SULT4A1: variants seen among roughly 807,000 people sequenced by gnomAD.
SULT4A1 encodes the protein sulfotransferase family 4A member 1.
A neutral mutation model predicts 35.2 loss-of-function variants in SULT4A1; 11 were observed. The observed-to-expected ratio is 0.31, with a 90% CI of 0.20 to 0.52. SULT4A1 has a LOEUF of 0.52. Among genes scored for constraint, SULT4A1 ranks in the 20% least tolerant of loss-of-function variants. SULT4A1 has a pLI of 0.97. For synonymous variants in SULT4A1, 152 were observed against 151.8 expected, an observed-to-expected ratio of 1.00 and a Z score of -0.01; for missense variants, 271 against 383.7, an observed-to-expected ratio of 0.71 and a Z score of 2.45.
intron 4 of SULT4A1, among the ~76,000 whole-genome samples, chr22:43,835,011 G>A (rs1266123057): frequency 2.5e-5 from 2 of 81,002 alleles, no homozygotes; most frequent in East Asian, 6.0e-4. Flanking sequence ...CACCCACACC[G>A]CGGCCCTGTG....
chr22:43,850,737 G>T (rs532622953), intron 1 of SULT4A1, among the ~76,000 whole-genome samples: 1 of 152,306 alleles, frequency 6.6e-6, no homozygotes, highest in African/African-American at 2.4e-5. Flanking sequence ...TCCTGGGCAT[G>T]TGAGACTGAG....
intron 1 of SULT4A1, among the ~76,000 whole-genome samples, chr22:43,843,534 C>T (rs994216912): frequency 6.6e-6 from 1 of 152,244 alleles, no homozygotes; most frequent in African/African-American, 2.4e-5. Context: ...TCCTGGGCTC[C>T]CCACTCCGAC....
intron 4 of SULT4A1, among the ~76,000 whole-genome samples, chr22:43,837,616 G>C (rs955777715): frequency 1.3e-5 from 2 of 152,188 alleles, no homozygotes; most frequent in African/African-American, 4.8e-5. Flanking sequence ...CCACTTCTCA[G>C]CAGGCACAGT....
intron 1 of SULT4A1, among the ~76,000 whole-genome samples, chr22:43,861,968 G>A (rs1410392592): frequency 6.6e-6 from 1 of 152,334 alleles, no homozygotes; most frequent in East Asian, 1.9e-4. Flanking sequence ...CTCCACGGAA[G>A]GGGCCGCTCC....
intron 1 of SULT4A1, among the ~76,000 whole-genome samples, chr22:43,842,506 G>C (rs571638151): frequency 6.6e-6 from 1 of 152,276 alleles, no homozygotes; most frequent in Non-Finnish European, 1.5e-5. Context: ...GAATGAGTAA[G>C]TTGTGACAGT....
At chr22:43,855,913 T>C (rs1336122630) in intron 1 of SULT4A1, among the ~76,000 whole-genome samples, 1 of 152,134 alleles carries the variant, frequency 6.6e-6, no homozygotes. Flanking sequence ...GACAGGGCCC[T>C]GGAGGAAGAG....
chr22:43,834,175 G>A (rs1192591036), intron 4 of SULT4A1, among the ~76,000 whole-genome samples: 2 of 152,160 alleles, frequency 1.3e-5, no homozygotes, highest in African/African-American at 2.4e-5. Flanking sequence ...GAGGGCGACA[G>A]GCAGTAGCCT....
chr22:43,853,836 G>T (rs1434665510), intron 1 of SULT4A1, among the ~76,000 whole-genome samples: 8 of 152,258 alleles, frequency 5.3e-5, no homozygotes, highest in Non-Finnish European at 1.0e-4. Context: ...GCAGAGCGTG[G>T]CTCCACCCCA....
At chr22:43,828,851 C>G (rs964958917) in intron 6 of SULT4A1, 1 of 492,284 alleles carries the variant, frequency 2.0e-6, no homozygotes, top group Non-Finnish European at 3.5e-6. Flanking sequence ...AATGCAAACA[C>G]CAGCGGGCAG....
chr22:43,846,107 T>A (rs1005277843), intron 1 of SULT4A1, among the ~76,000 whole-genome samples: 1 of 152,108 alleles, frequency 6.6e-6, no homozygotes. Context: ...TTCACCATGT[T>A]CCACTCCCTC....
At chr22:43,836,158 CAGGTGCCACA>C (rs2063370559) in intron 4 of SULT4A1, among the ~76,000 whole-genome samples, 2 of 149,284 alleles carry the variant, frequency 1.3e-5, no homozygotes, top group Non-Finnish European at 3.0e-5. Context: ...CCTCACACTG[CAGGTGCCACA>C]GGGACCCTGT....
chr22:43,826,223 C>T, intron 6 of SULT4A1, 110 bp from the exon 7 acceptor site: 1 of 1,522,446 alleles, frequency 6.6e-7, no homozygotes. Flanking sequence ...TTCCTGGATC[C>T]CTTTGAACTT....
At chr22:43,846,187 C>T (rs80637) in intron 1 of SULT4A1, among the ~76,000 whole-genome samples, 135,098 of 152,224 alleles carry the variant, frequency 0.89, 60,159 homozygotes, top group East Asian at 0.99. Context: ...GCTGCCGACA[C>T]TGGTGTCCCT....
At chr22:43,852,343 T>C (rs2049350809) in intron 1 of SULT4A1, among the ~76,000 whole-genome samples, 1 of 121,714 alleles carries the variant, frequency 8.2e-6, no homozygotes, top group African/African-American at 2.6e-5. Flanking sequence ...AGGTTTTTTT[T>C]TGTTGTTTTT....
chr22:43,827,207 GCT>G (rs1387020245), intron 6 of SULT4A1: 2 of 985,308 alleles, frequency 2.0e-6, no homozygotes, highest in Non-Finnish European at 2.4e-6. Flanking sequence ...TGAGATCAGA[GCT>G]CTGTCTCCAG....
At chr22:43,845,273 C>T (rs962856668) in intron 1 of SULT4A1, among the ~76,000 whole-genome samples, 2 of 151,394 alleles carry the variant, frequency 1.3e-5, no homozygotes, top group Non-Finnish European at 2.9e-5. Context: ...CCAGGTCCAC[C>T]CCTCCACACA....
chr22:43,841,738 T>C, intron 2 of SULT4A1, 64 bp downstream of exon 2: 1 of 1,568,982 alleles, frequency 6.4e-7, no homozygotes, highest in Non-Finnish European at 8.7e-7. Flanking sequence ...CTGTCAATCA[T>C]CAGGGTGTAA....
Position 43,847,465 on chromosome 22 carries a change from G to A in SULT4A1, c.170-5533C>T, listed in dbSNP as rs1440591269. 2.0e-5 allele frequency among the ~76,000 whole-genome samples: 3 copies of A among 152,200 alleles called. No individual in the cohort carries two copies. The East Asian group carries it at 5.8e-4, about 29-fold the overall frequency. On this transcript the variant is annotated intron_variant, in intron 1 of 6. Coordinates refer to ENST00000330884, the MANE Select transcript of SULT4A1 (RefSeq NM_014351.4). ...CCACTGGTCTCTCTCCATGCTCCTG[G>A]TGGTGCCCTTGGGCATGGGCATGAG...
chr22:43,831,186 G>A lies in SULT4A1; in HGVS notation c.604-1988C>T, dbSNP rs573286406. On this transcript the variant is annotated intron_variant, in intron 5 of 6. Transcript: ENST00000330884. ...GGGAGCCTGGAAGGCAGAGAAGGATGAACTTCCCTTTAAGGGCTTGGAGTA... is the reference window on the plus strand; with the variant it reads ...GGGAGCCTGGAAGGCAGAGAAGGATAAACTTCCCTTTAAGGGCTTGGAGTA... 5.9e-5 allele frequency among the ~76,000 whole-genome samples: 9 copies of A among 152,106 alleles called. No homozygotes were observed. In the East Asian group the frequency reaches 1.7e-3, roughly 29 times the overall value.
Sources: allele counts gnomAD v4.1 joint callset (sites outside exome capture counted in the v4.1 genomes callset), GRCh38; gene constraint gnomAD v4.1.1; transcripts MANE v1.5; gene names NCBI Gene and HGNC (gene_info 2026-07-23, HGNC 2026-07-21).